The following VTA1 variants were observed in gnomAD, a reference collection of about 807,000 sequenced individuals.
VTA1 encodes vesicle trafficking 1.
VTA1 carries 24 observed loss-of-function variants against 36.9 expected under a neutral mutation model. That is an observed-to-expected ratio of 0.65 (90% CI 0.47 to 0.91). VTA1 has a LOEUF of 0.91. Ranked by LOEUF, VTA1 falls within the 40% of genes least tolerant of loss-of-function variation. The probability of loss-of-function intolerance (pLI) is 0.00; values close to 1 mark genes in which losing one functional copy is unlikely to be tolerated. For synonymous variants in VTA1, 142 were observed against 130.2 expected (o/e 1.09, Z -0.62); for missense variants, 393 against 377.2 (o/e 1.04, Z -0.35).
intron 1 of VTA1, among the ~76,000 whole-genome samples, chr6:142,151,665 T>TTTAAAGAGAA (rs2114627050): frequency 6.6e-6 from 1 of 152,368 alleles, no homozygotes; most frequent in South Asian, 2.1e-4. Context: ...GTGGTAGACA[T>TTTAAAGAGAA]TCTCTTTAAA....
chr6:142,182,412 C>G (rs1775259112), intron 4 of VTA1, among the ~76,000 whole-genome samples: 1 of 152,084 alleles, frequency 6.6e-6, no homozygotes, highest in Non-Finnish European at 1.5e-5. Context: ...GTATTGTTCC[C>G]TTCTGTAATG....
chr6:142,207,558 CCAAA>C (rs1394449663), intron 7 of VTA1, among the ~76,000 whole-genome samples: 1 of 152,068 alleles, frequency 6.6e-6, no homozygotes, highest in African/African-American at 2.4e-5. Flanking sequence ...ATTCAGCGCT[CCAAA>C]CATTTACTAG....
intron 2 of VTA1, among the ~76,000 whole-genome samples, chr6:142,169,099 T>C (rs1774979601): frequency 6.6e-6 from 1 of 152,114 alleles, no homozygotes; most frequent in Non-Finnish European, 1.5e-5. Flanking sequence ...ATGATGAACC[T>C]TCTAGTCTTA....
Position 142,198,621 on chromosome 6 carries a change from A to ATGTGCTGTGTGATTTAT in VTA1, c.697+6_697+7insTGTGCTGTGTGATTTAT, listed in dbSNP as rs765860451. The ATGTGCTGTGTGATTTAT allele has an allele frequency of 9.4e-6, 15 of 1,600,550 alleles. No individual in the cohort carries two copies. The highest frequency in any genetic ancestry group is 4.5e-5 in the South Asian group (4 of 88,756). On this transcript the variant is annotated splice_region_variant and intron_variant, in intron 6 of 7. Coordinates refer to ENST00000367630, the MANE Select transcript of VTA1 (RefSeq NM_016485.5). Reference sequence around the variant, plus strand: ...AGAAGTGCCTCACAGCACAGGTGGGAAACTGTAACTGAATGATTTATTTAA... The same window carrying ATGTGCTGTGTGATTTAT: ...AGAAGTGCCTCACAGCACAGGTGGGATGTGCTGTGTGATTTATAACTGTAACTGAATGATTTATTTAA...
At chr6:142,178,437 G>C (rs1775166923) in intron 4 of VTA1, among the ~76,000 whole-genome samples, 1 of 152,032 alleles carries the variant, frequency 6.6e-6, no homozygotes, top group South Asian at 2.1e-4. Context: ...CTGCACTAAA[G>C]ATCCAAAGAA....
chr6:142,148,238 T>C (rs1164070868), intron 1 of VTA1, among the ~76,000 whole-genome samples: 1 of 152,208 alleles, frequency 6.6e-6, no homozygotes, highest in East Asian at 1.9e-4. Flanking sequence ...TTGTGTATAT[T>C]GTAAGGTTAG....
In VTA1 at chr6:142,170,425, A is replaced by C. The variant is rs1775007044; in HGVS notation, c.411+4A>C. Reference sequence around the variant, plus strand: ...ATTTGGAGAACTCACTGATGAAGTGAGTGTACATTCTTTATTGTCTTATTA... The same window carrying C: ...ATTTGGAGAACTCACTGATGAAGTGCGTGTACATTCTTTATTGTCTTATTA... On this transcript the variant is annotated splice_donor_region_variant and intron_variant, in intron 4 of 7. Transcript: ENST00000367630. The C allele has an allele frequency of 3.2e-6, 5 of 1,577,146 alleles. No individual in the cohort carries two copies. Among genetic ancestry groups the C allele is most frequent in the Non-Finnish European group, 3.5e-6 (4 of 1,154,656 alleles).
At chr6:142,217,445 A>G (rs1445356619) in intron 7 of VTA1, among the ~76,000 whole-genome samples, 1 of 152,018 alleles carries the variant, frequency 6.6e-6, no homozygotes, top group Non-Finnish European at 1.5e-5. Context: ...ATTTTAGAAA[A>G]TAATAATTTG....
At chr6:142,165,800 C>A (rs552153348) in intron 1 of VTA1, among the ~76,000 whole-genome samples, 208 of 152,246 alleles carry the variant, frequency 1.4e-3, no homozygotes, top group Non-Finnish European at 2.2e-3. Flanking sequence ...TATAGCAATT[C>A]TTTCTATAAA....
At chr6:142,170,216 A>G (rs1582883250) in intron 3 of VTA1, 130 bp from the exon 4 acceptor site, 1 of 658,410 alleles carries the variant, frequency 1.5e-6, no homozygotes. Context: ...CTTGAAATCT[A>G]ATTTTATTTA....
intron 4 of VTA1, among the ~76,000 whole-genome samples, chr6:142,180,042 A>G (rs1362718322): frequency 1.3e-5 from 2 of 152,212 alleles, no homozygotes; most frequent in Non-Finnish European, 2.9e-5. Flanking sequence ...ATCTATTTAT[A>G]TAGGTATAAT....
Position 142,222,757 on chromosome 6 carries a change from G to A in VTA1, c.*4114G>A, listed in dbSNP as rs527418923. The A allele has an allele frequency of 3.1e-5, 3 of 98,018 alleles. No homozygotes were observed. The highest frequency in any genetic ancestry group is 1.0e-4 in the African/African-American group (3 of 29,882). The allele number at this position is 98,018 out of a possible 1,614,324, so 6.1% of individuals were successfully genotyped here. A position where few individuals can be genotyped will look rare whatever the true frequency, so the allele number is the denominator to read the frequency against. ...GGCTTGTTCATTGGAGTACACTTAA[G>A]TAGGACAAATTCTAAGTAAGCAACA... On this transcript the variant is annotated 3_prime_UTR_variant, in exon 8 of 8. Coordinates refer to ENST00000367630, the MANE Select transcript of VTA1 (RefSeq NM_016485.5).
chr6:142,168,913 C>T (rs1774976116), intron 2 of VTA1, among the ~76,000 whole-genome samples: 1 of 151,670 alleles, frequency 6.6e-6, no homozygotes, highest in African/African-American at 2.4e-5. Flanking sequence ...ACTACAGCTG[C>T]CCGCCACCAT....
At chr6:142,170,732 C>A (rs1387529889) in intron 4 of VTA1, among the ~76,000 whole-genome samples, 2 of 151,568 alleles carry the variant, frequency 1.3e-5, no homozygotes, top group South Asian at 2.1e-4. Context: ...TGCCCGGGCT[C>A]AAGCAATTCT....
chr6:142,195,054 A>G (rs9496296), intron 5 of VTA1, among the ~76,000 whole-genome samples: 32 of 152,266 alleles, frequency 2.1e-4, no homozygotes, highest in African/African-American at 7.5e-4. Flanking sequence ...TTGTGTGTCT[A>G]CATTTCAGTA....
chr6:142,203,002 G>A (rs997412698), intron 6 of VTA1, among the ~76,000 whole-genome samples: 6 of 151,864 alleles, frequency 4.0e-5, no homozygotes, highest in Non-Finnish European at 8.8e-5. Flanking sequence ...CTCTTAGGTT[G>A]GGGTTGAGAA....
At chr6:142,175,887 T>C (rs1184839304) in intron 4 of VTA1, among the ~76,000 whole-genome samples, 1 of 152,180 alleles carries the variant, frequency 6.6e-6, no homozygotes, top group East Asian at 1.9e-4. Flanking sequence ...TGTCTGCCAC[T>C]ATTCTATTTC....
At chr6:142,185,124 A>G (rs746682887) in intron 4 of VTA1, among the ~76,000 whole-genome samples, 1 of 152,004 alleles carries the variant, frequency 6.6e-6, no homozygotes, top group East Asian at 1.9e-4. Flanking sequence ...CTAAAGTATC[A>G]TTTCCTTTAC....
At chr6:142,186,439 G>T (rs1365056835) in intron 4 of VTA1, among the ~76,000 whole-genome samples, 1 of 152,094 alleles carries the variant, frequency 6.6e-6, no homozygotes, top group Non-Finnish European at 1.5e-5. Flanking sequence ...GTGTGGTAGG[G>T]GCTAGGGCAA....
Sources: gnomAD v4.1 joint callset for allele counts (sites outside exome capture counted in the v4.1 genomes callset) on GRCh38, gnomAD v4.1.1 for gene constraint, MANE v1.5 for transcripts, NCBI Gene and HGNC (gene_info 2026-07-23, HGNC 2026-07-21) for gene names.